Variants in NLK observed in about 807,000 individuals in gnomAD.
NLK encodes serine/threonine-protein kinase NLK.
A neutral mutation model predicts 59.0 loss-of-function variants in NLK; 11 were observed. The observed-to-expected ratio is 0.19, with a 90% CI of 0.12 to 0.31. The LOEUF is 0.31. NLK is among the 10% of genes least tolerant of loss of function. The pLI is 1.00. For missense variants in NLK, 410 were observed against 661.1 expected (o/e 0.62, Z 4.16); for synonymous variants, 235 against 235.9 (o/e 1.00, Z 0.03).
the NLK span, among the ~76,000 whole-genome samples, chr17:28,203,007 A>G: frequency 2.0e-5 from 3 of 152,036 alleles, no homozygotes; most frequent in South Asian, 6.2e-4. Context: ...ATCCTGCTCT[A>G]CTGCAGACTT....
intron 7 of NLK, among the ~76,000 whole-genome samples, chr17:28,179,559 T>C (rs1908815505): frequency 6.6e-6 from 1 of 151,180 alleles, no homozygotes; most frequent in African/African-American, 2.4e-5. Context: ...GGTGAAAGCC[T>C]GTCTCTACTA....
chr17:28,083,984 A>G (rs753481526), intron 1 of NLK, among the ~76,000 whole-genome samples: 3 of 152,146 alleles, frequency 2.0e-5, no homozygotes, highest in Non-Finnish European at 2.9e-5. Context: ...CCACAAAACA[A>G]TTATGAAAGG....
Position 28,073,116 on chromosome 17 carries a change from T to G in NLK, c.458+29785T>G, listed in dbSNP as rs113704017. On this transcript the variant is annotated intron_variant, in intron 1 of 10. Coordinates refer to ENST00000407008, the MANE Select transcript of NLK (RefSeq NM_016231.5). ...GAGTTTTTCAGGCCACACCACTAGT[T>G]TGAATTTTAGTCACAAAGGGTGCAG... 6.6e-5 allele frequency among the ~76,000 whole-genome samples: 10 copies of G among 152,256 alleles called. 1 individual carries two copies. The highest frequency in any genetic ancestry group is 2.2e-4 in the African/African-American group (9 of 41,532).
rs191970608 is a variant in NLK at position 28,067,973 on chromosome 17, T to C, written c.458+24642T>C. Among the ~76,000 whole-genome samples, 501 of 151,842 alleles carry C rather than the reference T, an allele frequency of 3.3e-3. 3 individuals carry two copies. The highest frequency in any genetic ancestry group is 0.011 in the African/African-American group (473 of 41,406). ...CTGGCCAACATGGTGAAACCCCACC[T>C]CTACTAAAAATACAAAAATTAGCAG... On this transcript the variant is annotated intron_variant, in intron 1 of 10. Transcript: ENST00000407008.
chr17:28,082,569 G>A (rs1161042492), intron 1 of NLK, among the ~76,000 whole-genome samples: 1 of 152,170 alleles, frequency 6.6e-6, no homozygotes, highest in Admixed American at 6.5e-5. Flanking sequence ...AAAAAGAGTA[G>A]GTGGGGTTAA....
At chr17:28,168,747 A>T in intron 6 of NLK, 90 bp downstream of exon 6, 1 of 970,354 alleles carries the variant, frequency 1.0e-6, no homozygotes, top group Non-Finnish European at 1.6e-6. Flanking sequence ...CTTATTCATT[A>T]TACTGTCTAA....
intron 3 of NLK, among the ~76,000 whole-genome samples, chr17:28,150,085 T>C (rs1907419733): frequency 6.6e-6 from 1 of 152,174 alleles, no homozygotes; most frequent in East Asian, 1.9e-4. Context: ...ACAATCTAGA[T>C]TTAAATGCAA....
intron 7 of NLK, among the ~76,000 whole-genome samples, chr17:28,173,122 A>G (rs1210789868): frequency 6.6e-6 from 1 of 152,204 alleles, no homozygotes; most frequent in African/African-American, 2.4e-5. Flanking sequence ...ATTACTTGCA[A>G]CTAGCCAAGT....
chr17:28,073,851 G>T (rs1404534626), intron 1 of NLK, among the ~76,000 whole-genome samples: 1 of 152,106 alleles, frequency 6.6e-6, no homozygotes, highest in East Asian at 1.9e-4. Context: ...TAAAGGAGAG[G>T]TATCCCTGTA....
At chr17:28,184,932 A>AG (rs1463704452) in intron 7 of NLK, among the ~76,000 whole-genome samples, 2 of 152,208 alleles carry the variant, frequency 1.3e-5, no homozygotes, top group South Asian at 2.1e-4. Flanking sequence ...TGGGTGAGAG[A>AG]GCGAGAATCC....
chr17:28,053,990 T>C (rs1234138962), intron 1 of NLK, among the ~76,000 whole-genome samples: 1 of 152,228 alleles, frequency 6.6e-6, no homozygotes, highest in Non-Finnish European at 1.5e-5. Flanking sequence ...AGAGGGTTTT[T>C]CCCCACTTTC....
rs181534008 is a variant in NLK at position 28,107,866 on chromosome 17, A to G, written c.459-14737A>G. On this transcript the variant is annotated intron_variant, in intron 1 of 10. Transcript: ENST00000407008. ...TTGTGCTCTCAAGGGTTTATAACTTATTAAATTAAAAAAGAAAATTAGTGA... is the reference window on the plus strand; with the variant it reads ...TTGTGCTCTCAAGGGTTTATAACTTGTTAAATTAAAAAAGAAAATTAGTGA... 4.5e-4 allele frequency among the ~76,000 whole-genome samples: 69 copies of G among 152,314 alleles called. 1 individual carries two copies. Among genetic ancestry groups the G allele is most frequent in the African/African-American group, 1.6e-3 (67 of 41,568 alleles).
At chr17:28,115,891 T>G (rs1274839394) in intron 1 of NLK, among the ~76,000 whole-genome samples, 4 of 151,846 alleles carry the variant, frequency 2.6e-5, no homozygotes, top group African/African-American at 4.8e-5. Flanking sequence ...TATTTTTATT[T>G]TGAAAATTTC....
intron 1 of NLK, among the ~76,000 whole-genome samples, chr17:28,093,173 A>C (rs1249052142): frequency 6.6e-6 from 1 of 151,998 alleles, no homozygotes; most frequent in Non-Finnish European, 1.5e-5. Flanking sequence ...ATTAGTTGGG[A>C]GGGGAGTTGC....
chr17:28,065,698 C>T (rs1446112550), intron 1 of NLK, among the ~76,000 whole-genome samples: 1 of 152,156 alleles, frequency 6.6e-6, no homozygotes, highest in East Asian at 1.9e-4. Flanking sequence ...AACTTTATTA[C>T]AAATTGGCAG....
intron 2 of NLK, among the ~76,000 whole-genome samples, chr17:28,129,482 A>G (rs892397047): frequency 6.6e-6 from 1 of 152,142 alleles, no homozygotes; most frequent in African/African-American, 2.4e-5. Flanking sequence ...TAAAATGTCT[A>G]ATTTCTTAAC....
chr17:28,076,985 A>G (rs754868737), intron 1 of NLK, among the ~76,000 whole-genome samples: 42 of 149,064 alleles, frequency 2.8e-4, no homozygotes, highest in Non-Finnish European at 3.0e-5. Flanking sequence ...GTGTCATGCC[A>G]TGGTTTTTTT....
At chr17:28,083,107 G>T (rs947152544) in intron 1 of NLK, among the ~76,000 whole-genome samples, 1 of 152,138 alleles carries the variant, frequency 6.6e-6, no homozygotes, top group Non-Finnish European at 1.5e-5. Context: ...GTGGAAATCA[G>T]CTTGTGCATT....
In NLK at chr17:28,079,472, C is replaced by T. The variant is rs113118392; in HGVS notation, c.458+36141C>T. Among the ~76,000 whole-genome samples, 1,284 of 152,278 alleles carry T rather than the reference C, an allele frequency of 8.4e-3. 19 individuals are homozygous for T. Among genetic ancestry groups the T allele is most frequent in the African/African-American group, 0.029 (1,215 of 41,556 alleles). On this transcript the variant is annotated intron_variant, in intron 1 of 10. Coordinates refer to ENST00000407008, the MANE Select transcript of NLK (RefSeq NM_016231.5). The stretch of plus-strand genomic sequence containing the variant: ...CCATAGCAACTGGACCATTTATATT[C>T]GCACCAGCAGTATACATGGGTTCCA...
Sources: allele counts gnomAD v4.1 joint callset (sites outside exome capture counted in the v4.1 genomes callset), GRCh38; gene constraint gnomAD v4.1.1; transcripts MANE v1.5; gene names NCBI Gene and HGNC (gene_info 2026-07-23, HGNC 2026-07-21).